COL18A1: variants seen among roughly 807,000 people sequenced by gnomAD.
The protein encoded by COL18A1 is collagen type XVIII alpha 1 chain.
COL18A1 carries 133 observed loss-of-function variants against 168.0 expected under a neutral mutation model. The ratio of observed to expected loss-of-function variants is 0.79; its 90% CI spans 0.69 to 0.91. COL18A1 has a LOEUF of 0.91. Among genes scored for constraint, COL18A1 ranks in the 40% least tolerant of loss-of-function variants. COL18A1 has a pLI of 0.00. For missense variants in COL18A1, 2,126 were observed against 1,925.4 expected, an observed-to-expected ratio of 1.10 and a Z score of -1.95; for synonymous variants, 949 against 809.0, an observed-to-expected ratio of 1.17 and a Z score of -2.94.
chr21:45,472,231 G>GTT (rs547123483), intron 3 of COL18A1, among the ~76,000 whole-genome samples: 1 of 143,460 alleles, frequency 7.0e-6, no homozygotes. Context: ...TTTTTTTTTT[G>GTT]TTTTTTTTTT....
At position 45,505,911 on chromosome 21, in the gene COL18A1, T is replaced by C. The variant is rs1414749944; in HGVS notation, c.3161T>C (p.Val1054Ala). The C allele has an allele frequency of 6.2e-7, 1 of 1,612,996 alleles. No homozygotes were observed. The highest frequency in any genetic ancestry group is 1.3e-5 in the African/African-American group (1 of 74,926). Reference protein sequence around the residue: ...HEVPEGWLIFVAEQEELYVRV... With the variant: ...HEVPEGWLIFAAEQEELYVRV... Reference sequence around the variant, plus strand: ...GTTCCCGAGGGCTGGCTCATCTTCGTGGCCGAGCAGGAGGAGCTCTACGTC... The same window carrying C: ...GTTCCCGAGGGCTGGCTCATCTTCGCGGCCGAGCAGGAGGAGCTCTACGTC... Residue 1054 changes from valine to alanine, a missense_variant, in exon 37 of 42, where the codon GTG becomes GCG. Val to Ala is a moderately conservative substitution (Grantham distance 64). Transcript: ENST00000651438.
At chr21:45,442,008 C>T (rs2034382073) in intron 2 of COL18A1, among the ~76,000 whole-genome samples, 1 of 152,226 alleles carries the variant, frequency 6.6e-6, no homozygotes, top group Admixed American at 6.5e-5. Flanking sequence ...TTGTGTGCTT[C>T]TCACAGTCAC....
rs1261174354 is a variant in COL18A1, at chr21:45,512,612, C to T, written c.*214C>T. ...ACAGAAGCCTGATGCTGACATTCAC[C>T]TGCCCCAACTCTCCCCTGACCTGTG... On this transcript the variant is annotated 3_prime_UTR_variant, in exon 42 of 42. Transcript: ENST00000651438. 3.3e-6 allele frequency: 2 copies of T among 605,850 alleles called. No individual in the cohort carries two copies. Among genetic ancestry groups the T allele is most frequent in the African/African-American group, 3.7e-5 (2 of 53,858 alleles). 37.5% of individuals were successfully genotyped at this position (605,850 alleles called of 1,614,324 possible).
At chr21:45,405,290 G>A in intron 1 of COL18A1, 49 bp downstream of exon 1, 1 of 800,580 alleles carries the variant, frequency 1.2e-6, no homozygotes, top group Non-Finnish European at 1.6e-6. Flanking sequence ...AGATGCGGCT[G>A]CGGGGGTCGC....
intron 2 of COL18A1, among the ~76,000 whole-genome samples, chr21:45,416,583 T>A (rs2033452526): frequency 6.6e-6 from 1 of 152,216 alleles, no homozygotes; most frequent in South Asian, 2.1e-4. Context: ...AGATTTCCTC[T>A]GAGGACAGTG....
At position 45,463,789 on chromosome 21, in the gene COL18A1, C is replaced by T. The variant is rs138099096; in HGVS notation, c.107-4453C>T. Among the ~76,000 whole-genome samples the T allele has an allele frequency of 0.029, 4,431 of 151,978 alleles. 226 individuals carry two copies. Among genetic ancestry groups the T allele is most frequent in the African/African-American group, 0.1 (4,182 of 41,406 alleles). On this transcript the variant is annotated intron_variant, in intron 2 of 41. Coordinates refer to ENST00000651438, the MANE Select transcript of COL18A1 (RefSeq NM_001379500.1). The surrounding 1 kb of genome is among the most constrained non-coding windows in gnomAD (Gnocchi z 4.0). ...GTGCATGCCTGTAATCCTAGCTACT[C>T]GGGATGCTGAGGCAGGAGAACTGCT...
chr21:45,486,687 G>A (rs1339677975), intron 15 of COL18A1, among the ~76,000 whole-genome samples, 174 bp from the exon 16 acceptor site: 1 of 152,252 alleles, frequency 6.6e-6, no homozygotes, highest in Non-Finnish European at 1.5e-5. Flanking sequence ...GGCTGAAATC[G>A]TGTCGTAAAG....
At chr21:45,437,450 TCACAGACAGACACACAGG>T (rs2034171623) in intron 2 of COL18A1, among the ~76,000 whole-genome samples, 1 of 8,626 alleles carries the variant, frequency 1.2e-4, no homozygotes, top group African/African-American at 7.8e-4. Context: ...ACACACTCAC[TCACAGACAGACACACAGG>T]CACTCTCCTG....
chr21:45,410,652 C>T (rs998797274), intron 2 of COL18A1, among the ~76,000 whole-genome samples: 1 of 152,238 alleles, frequency 6.6e-6, no homozygotes, highest in African/African-American at 2.4e-5. Flanking sequence ...CGCAGTTAGG[C>T]CTCTCTGGAA....
At chr21:45,441,692 G>A (rs555752979) in intron 2 of COL18A1, among the ~76,000 whole-genome samples, 3 of 152,326 alleles carry the variant, frequency 2.0e-5, no homozygotes, top group East Asian at 1.9e-4. Context: ...GGCTCTTCAC[G>A]CCAACAGGTC....
chr21:45,415,975 A>G (rs961827175), intron 2 of COL18A1, among the ~76,000 whole-genome samples: 1 of 152,122 alleles, frequency 6.6e-6, no homozygotes, highest in African/African-American at 2.4e-5. Context: ...GCTATCTGGA[A>G]TGCCTCGCCG....
At chr21:45,489,380 T>G in intron 18 of COL18A1, 106 bp from the exon 19 acceptor site, 68 of 836,136 alleles carry the variant, frequency 8.1e-5, no homozygotes, top group Non-Finnish European at 1.3e-4. Flanking sequence ...GGGAGGGCGG[T>G]GAGATGCATC....
Position 45,498,591 on chromosome 21 carries a change from T to G in COL18A1, c.2683+930T>G. 1.4e-6 allele frequency: 1 copy of G among 715,996 alleles called. No individual in the cohort carries two copies. Among genetic ancestry groups the G allele is most frequent in the Non-Finnish European group, 2.6e-6 (1 of 384,158 alleles). 44.4% of individuals were successfully genotyped at this position (715,996 alleles called of 1,614,324 possible). A position where few individuals can be genotyped will look rare whatever the true frequency, so the allele number is the denominator to read the frequency against. ...GGACCAGGCAGGCAGAGGCCGAGTCTGGGCCGGGACATCCTTAAGGCCTGT... is the reference window on the plus strand; with the variant it reads ...GGACCAGGCAGGCAGAGGCCGAGTCGGGGCCGGGACATCCTTAAGGCCTGT... On this transcript the variant is annotated intron_variant, in intron 32 of 41. Transcript: ENST00000651438. This position sits in a 1 kb window ranked among gnomAD's most constrained non-coding sequence, Gnocchi z 4.5.
intron 3 of COL18A1, among the ~76,000 whole-genome samples, chr21:45,469,565 TGGG>T (rs1289929437): frequency 1.3e-5 from 2 of 152,040 alleles, no homozygotes; most frequent in Non-Finnish European, 2.9e-5. Context: ...TTCTTGGGGT[TGGG>T]GGGGTGGACA....
At position 45,473,908 on chromosome 21, in the gene COL18A1, A is replaced by C. The variant is rs751255899; in HGVS notation, c.665A>C (p.Glu222Ala). Residue 222 changes from glutamate to alanine, a missense_variant, in exon 4 of 42, where the codon GAG becomes GCG. By Grantham distance (107) the Glu-to-Ala change is moderately radical. Coordinates refer to ENST00000651438, the MANE Select transcript of COL18A1 (RefSeq NM_001379500.1). The surrounding 1 kb of genome is among the most constrained non-coding windows in gnomAD (Gnocchi z 4.0). ...GTCTGCATTTAGGGGGTGATCGCTG[A>C]GCTGAAGGTGCGCAGGGACCCCCAG... ...DPDKFQGVIA[E>A]LKVRRDPQVS... is the part of the protein sequence containing the mutation. The C allele has an allele frequency of 2.5e-6, 4 of 1,603,636 alleles. No individual in the cohort carries two copies. Among genetic ancestry groups the C allele is most frequent in the Non-Finnish European group, 3.4e-6 (4 of 1,175,366 alleles).
Position 45,496,675 on chromosome 21 carries a change from C to T in COL18A1, c.2577+107C>T, listed in dbSNP as rs895301069. The T allele has an allele frequency of 7.7e-5, 59 of 762,054 alleles. 1 individual carries two copies. Among genetic ancestry groups the T allele is most frequent in the Non-Finnish European group, 1.7e-5 (7 of 414,858 alleles). 47.2% of individuals were successfully genotyped at this position (762,054 alleles called of 1,614,324 possible). A position where few individuals can be genotyped will look rare whatever the true frequency, so the allele number is the denominator to read the frequency against. ...CCCCTGGCCTCTGCGTCTGGGGGTC[C>T]TTCTAGGATGTGCCAGTCTGGTGGG... On this transcript the variant is annotated intron_variant, in intron 30 of 41. Transcript: ENST00000651438.
At chr21:45,424,455 AC>A (rs1182667424) in intron 2 of COL18A1, 1 of 152,194 alleles carries the variant, frequency 6.6e-6, no homozygotes, top group Non-Finnish European at 1.5e-5. Context: ...CGGGATACAG[AC>A]ACCTGCCCCA....
At chr21:45,470,209 T>G (rs1163639154) in intron 3 of COL18A1, among the ~76,000 whole-genome samples, 1 of 143,172 alleles carries the variant, frequency 7.0e-6, no homozygotes, top group African/African-American at 2.9e-5. Flanking sequence ...TAATTTTGCA[T>G]TTCTTGGACT....
chr21:45,495,355 C>A lies in COL18A1; in HGVS notation c.2434-3C>A. On this transcript the variant is annotated splice_region_variant and splice_polypyrimidine_tract_variant and intron_variant, in intron 28 of 41. Transcript: ENST00000651438. ...AGTCCCCACCCCCTGTGCTCCGCCC[C>A]AGGGTCGCCCCGGGATGAACGGATT... 6.2e-7 allele frequency: 1 copy of A among 1,607,376 alleles called. No homozygotes were observed. The highest frequency in any genetic ancestry group is 1.1e-5 in the South Asian group (1 of 90,094).
Sources: gnomAD v4.1 joint callset for allele counts (sites outside exome capture counted in the v4.1 genomes callset) on GRCh38, gnomAD v4.1.1 for gene constraint, Gnocchi (gnomAD v3.1) non-coding constraint, MANE v1.5 for transcripts, NCBI Gene and HGNC (gene_info 2026-07-23, HGNC 2026-07-21) for gene names.